TET3: variants seen among roughly 807,000 people sequenced by gnomAD.
TET3 encodes the protein tet methylcytosine dioxygenase 3, also known as methylcytosine dioxygenase TET3.
In TET3, 19 loss-of-function variants were observed where a neutral mutation model predicts 141.4. That is an observed-to-expected ratio of 0.13 (90% CI 0.09 to 0.20). The LOEUF is 0.20. Among genes scored for constraint, TET3 ranks in the 10% least tolerant of loss-of-function variants. The probability of loss-of-function intolerance (pLI) is 1.00; values close to 1 mark genes in which losing one functional copy is unlikely to be tolerated. For synonymous variants in TET3, 1,043 were observed against 980.9 expected, an observed-to-expected ratio of 1.06 and a Z score of -1.18; for missense variants, 1,874 against 2,356.9, an observed-to-expected ratio of 0.80 and a Z score of 4.24.
chr2:74,032,776 G>A (rs928998889), intron 3 of TET3, among the ~76,000 whole-genome samples: 4 of 152,146 alleles, frequency 2.6e-5, no homozygotes, highest in African/African-American at 9.7e-5. Flanking sequence ...CAGCAGCTGT[G>A]CTCCCCCTTC....
rs770625509 is a variant in TET3, at chr2:74,047,952, C to T, written c.2035C>T (p.Pro679Ser). 7.4e-6 allele frequency: 12 copies of T among 1,613,390 alleles called. No homozygotes were observed. The Admixed American group carries it at 2.0e-4, about 27-fold the overall frequency. Reference sequence around the variant, plus strand: ...TCCCTCCAGGGACAGCCTGCTGCCCCCTACTCAGGAAATGAGGTCCCCCAG... The same window carrying T: ...TCCCTCCAGGGACAGCCTGCTGCCCTCTACTCAGGAAATGAGGTCCCCCAG... ...PSPSRDSLLP[P>S]TQEMRSPSPM... Residue 679 changes from proline to serine, a missense_variant, in exon 4 of 12, where the codon CCT becomes TCT. By Grantham distance (74) the Pro-to-Ser change is moderately conservative. Around this residue, in one of 10 missense-constraint regions of TET3, gnomAD observed 484 missense variants for 462.2 expected, o/e 1.05. Coordinates refer to ENST00000409262, the MANE Select transcript of TET3 (RefSeq NM_001287491.2).
intron 3 of TET3, among the ~76,000 whole-genome samples, chr2:74,042,012 C>T (rs1323083599): frequency 2.6e-5 from 4 of 152,168 alleles, no homozygotes; most frequent in Admixed American, 6.5e-5. Flanking sequence ...ATTAAGTGAG[C>T]CTTCTCTATC....
intron 4 of TET3, among the ~76,000 whole-genome samples, chr2:74,068,354 A>T (rs1487590766): frequency 6.6e-6 from 1 of 152,068 alleles, no homozygotes; most frequent in East Asian, 1.9e-4. Flanking sequence ...CTAGCATCTT[A>T]TACATGCTGT....
chr2:74,118,340 T>C, the TET3 span, among the ~76,000 whole-genome samples: 1 of 152,208 alleles, frequency 6.6e-6, no homozygotes, highest in Non-Finnish European at 1.5e-5. Flanking sequence ...ATATGTACCA[T>C]GGATTGAGGT....
intron 2 of TET3, among the ~76,000 whole-genome samples, chr2:73,994,345 G>A (rs1240531212): frequency 6.6e-6 from 1 of 152,118 alleles, no homozygotes; most frequent in African/African-American, 2.4e-5. Context: ...CTCACTGGAG[G>A]GAGTATGCAG....
chr2:74,002,776 C>A, intron 2 of TET3: 2 of 539,632 alleles, frequency 3.7e-6, no homozygotes, highest in East Asian at 3.2e-5. Context: ...GCCCGCCGGC[C>A]GATGCACCAG....
Position 74,046,550 on chromosome 2 carries a change from C to G in TET3, c.633C>G (p.Ser211=). The G allele has an allele frequency of 6.2e-7, 1 of 1,614,028 alleles. No homozygotes were observed. Among genetic ancestry groups the G allele is most frequent in the Non-Finnish European group, 8.5e-7 (1 of 1,179,882 alleles). ...VAFSAVAEAV[S]SYGALSTRLY... ...TTTCGGCTGTGGCCGAAGCTGTGTC[C>G]TCTTATGGGGCCCTTAGCACCCGGC... Residue 211 remains serine, a synonymous_variant, in exon 4 of 12, where the codon TCC becomes TCG. Transcript: ENST00000409262. This position sits in a 1 kb window ranked among gnomAD's most constrained non-coding sequence, Gnocchi z 4.3.
At chr2:74,084,354 G>A (rs1040842115) in intron 6 of TET3, among the ~76,000 whole-genome samples, 4 of 152,276 alleles carry the variant, frequency 2.6e-5, no homozygotes, top group Middle Eastern at 3.4e-3. Context: ...TAGGCTGGGC[G>A]CAGTGGCTCA....
rs1687648730 is a variant in TET3, at chr2:74,046,810, G to A, written c.893G>A (p.Gly298Glu). 1.2e-6 allele frequency: 2 copies of A among 1,613,326 alleles called. No individual in the cohort carries two copies. Among genetic ancestry groups the A allele is most frequent in the South Asian group, 2.2e-5 (2 of 91,086 alleles). ...ATCAAGTCTGTGGTCATGGAAGGAG[G>A]GGAGGAGCGGCCCAGGCTCCCAGGG... is the stretch of plus-strand genomic sequence containing the variant. Reference protein sequence around the residue: ...GKIKSVVMEGGEERPRLPGPL... With the variant: ...GKIKSVVMEGEEERPRLPGPL... Residue 298 changes from glycine to glutamate, a missense_variant, in exon 4 of 12, where the codon GGG becomes GAG. Gly to Glu is a moderately conservative substitution (Grantham distance 98). Transcript: ENST00000409262. This position sits in a 1 kb window ranked among gnomAD's most constrained non-coding sequence, Gnocchi z 4.3.
intron 3 of TET3, among the ~76,000 whole-genome samples, chr2:74,045,436 G>T (rs1296002518): frequency 3.3e-5 from 5 of 152,184 alleles, no homozygotes; most frequent in Non-Finnish European, 7.3e-5. Flanking sequence ...CCTTTCCTAA[G>T]GGATGGGTCT....
chr2:74,131,564 G>A, the TET3 span, among the ~76,000 whole-genome samples: 1 of 152,202 alleles, frequency 6.6e-6, no homozygotes, highest in Non-Finnish European at 1.5e-5. Flanking sequence ...AGGGCTGAGG[G>A]GCACTACAGG....
intron 10 of TET3, among the ~76,000 whole-genome samples, chr2:74,097,372 C>A (rs1198054600): frequency 6.6e-6 from 1 of 152,048 alleles, no homozygotes; most frequent in Non-Finnish European, 1.5e-5. Context: ...TAAAAAATGA[C>A]AAGTCGTATA....
At chr2:74,059,651 C>G (rs886301118) in intron 4 of TET3, among the ~76,000 whole-genome samples, 1 of 151,934 alleles carries the variant, frequency 6.6e-6, no homozygotes, top group African/African-American at 2.4e-5. Flanking sequence ...CTCCTTGGCT[C>G]AAGTGATCCC....
At chr2:74,131,959 G>A in the TET3 span, among the ~76,000 whole-genome samples, 1 of 152,002 alleles carries the variant, frequency 6.6e-6, no homozygotes, top group East Asian at 1.9e-4. Flanking sequence ...AGCATTTAGG[G>A]GATTACACAT....
At chr2:74,010,423 C>G (rs1031713438) in intron 3 of TET3, among the ~76,000 whole-genome samples, 1 of 152,188 alleles carries the variant, frequency 6.6e-6, no homozygotes, top group African/African-American at 2.4e-5. Context: ...CTCCCACCCC[C>G]ACAGCCACCA....
chr2:74,047,504 G>A lies in TET3; in HGVS notation c.1587G>A (p.Gln529=). The change falls in exon 4 of 12, where the codon CAG becomes CAA. Residue 529 remains glutamine, a synonymous_variant. Transcript: ENST00000409262. ...ACCAGAAGGCCCAGACCGCCCTGCA[G>A]CAGCACCTCCACCACAAGCGCAGCC... ...DTHQKAQTAL[Q]QHLHHKRSLF... 1 of 1,612,996 alleles carries A rather than the reference G, an allele frequency of 6.2e-7. No individual in the cohort carries two copies. Among genetic ancestry groups the A allele is most frequent in the East Asian group, 2.2e-5 (1 of 44,858 alleles).
At chr2:74,057,912 TAAC>T (rs1688300439) in intron 4 of TET3, among the ~76,000 whole-genome samples, 1 of 152,324 alleles carries the variant, frequency 6.6e-6, no homozygotes, top group African/African-American at 2.4e-5. Context: ...TCATTAGTGT[TAAC>T]AAGCTTAGTT....
chr2:74,101,125 C>A lies in TET3; in HGVS notation c.4337C>A (p.Pro1446His). The change falls in exon 12 of 12, where the codon CCC becomes CAC. Residue 1446 changes from proline (P) to histidine (H), a missense_variant. By Grantham distance (77) the Pro-to-His change is moderately conservative. This residue lies in a region of TET3 where 602 missense variants were observed against 590.2 expected (regional missense o/e 1.02). Coordinates refer to ENST00000409262, the MANE Select transcript of TET3 (RefSeq NM_001287491.2). The surrounding 1 kb of genome is among the most constrained non-coding windows in gnomAD (Gnocchi z 8.5). ...TACTCAGGAGGCCCAAGCATGTCCC[C>A]CAAGAGGACTAACGGTGTGGGTGGC... is the stretch of plus-strand genomic sequence containing the variant. ...GQYSGGPSMS[P>H]KRTNGVGGSW... The A allele has an allele frequency of 6.2e-7, 1 of 1,613,780 alleles. No homozygotes were observed. Among genetic ancestry groups the A allele is most frequent in the Non-Finnish European group, 8.5e-7 (1 of 1,179,816 alleles).
At chr2:73,989,796 G>A (rs1684235612) in intron 2 of TET3, among the ~76,000 whole-genome samples, 1 of 152,088 alleles carries the variant, frequency 6.6e-6, no homozygotes, top group Non-Finnish European at 1.5e-5. Context: ...AGATGACTGA[G>A]TAGAAAAGTA....
Sources: gnomAD v4.1 joint callset for allele counts (sites outside exome capture counted in the v4.1 genomes callset) on GRCh38, gnomAD v4.1.1 for gene constraint, gnomAD v4.1.1 regional missense constraint, Gnocchi (gnomAD v3.1) non-coding constraint, MANE v1.5 for transcripts, NCBI Gene and HGNC (gene_info 2026-07-23, HGNC 2026-07-21) for gene names.